Variants in NPAS2 observed in about 807,000 individuals in gnomAD.
NPAS2 encodes the protein neuronal PAS domain-containing protein 2.
In NPAS2, 23 loss-of-function variants were observed where a neutral mutation model predicts 107.5. The observed-to-expected ratio is 0.21, with a 90% CI of 0.15 to 0.30. The LOEUF is 0.30. Ranked by LOEUF, NPAS2 falls within the 10% of genes least tolerant of loss-of-function variation. NPAS2 has a pLI of 1.00. For synonymous variants in NPAS2, 403 were observed against 417.5 expected (o/e 0.97, Z 0.42); for missense variants, 756 against 1,043.3 (o/e 0.72, Z 3.79).
intron 19 of NPAS2, among the ~76,000 whole-genome samples, 171 bp from the exon 20 acceptor site, chr2:100,993,176 G>A (rs927414367): frequency 1.3e-5 from 2 of 152,004 alleles, no homozygotes; most frequent in Non-Finnish European, 2.9e-5. Context: ...CTTGTGATCC[G>A]CCTGCCTCGG....
At chr2:100,914,657 C>T (rs1348562009) in intron 2 of NPAS2, among the ~76,000 whole-genome samples, 1 of 152,182 alleles carries the variant, frequency 6.6e-6, no homozygotes, top group Non-Finnish European at 1.5e-5. Context: ...ATCTTATTAA[C>T]AGCCCCTGCC....
At chr2:100,895,498 T>A (rs1326509205) in intron 1 of NPAS2, among the ~76,000 whole-genome samples, 2 of 152,204 alleles carry the variant, frequency 1.3e-5, no homozygotes, top group Non-Finnish European at 2.9e-5. Context: ...CTTTCTCCCT[T>A]TCACAGATGT....
chr2:100,975,408 T>G lies in NPAS2; in HGVS notation c.1283-50T>G, dbSNP rs759348657. On this transcript the variant is annotated intron_variant, in intron 13 of 20. Coordinates refer to ENST00000335681, the MANE Select transcript of NPAS2 (RefSeq NM_002518.4). The stretch of plus-strand genomic sequence containing the variant: ...GTCATGGGTCCCCTCTTCGGATGAG[T>G]ACATGCTAAGTACATGGAAGTTAGA... The G allele has an allele frequency of 1.1e-5, 16 of 1,523,412 alleles. No homozygotes were observed. The Admixed American group carries it at 2.6e-4, about 25-fold the overall frequency. The allele number at this position is 1,523,412 out of a possible 1,614,324, so 94.4% of individuals were successfully genotyped here. A position where few individuals can be genotyped will look rare whatever the true frequency, so the allele number is the denominator to read the frequency against.
intron 19 of NPAS2, among the ~76,000 whole-genome samples, chr2:100,992,558 C>T (rs1211138835): frequency 7.9e-5 from 12 of 152,212 alleles, no homozygotes; most frequent in Non-Finnish European, 1.8e-4. Flanking sequence ...CCCTCCCCCT[C>T]GTTCTCGATC....
At chr2:100,914,750 T>G (rs971677657) in intron 2 of NPAS2, among the ~76,000 whole-genome samples, 1 of 152,200 alleles carries the variant, frequency 6.6e-6, no homozygotes, top group Non-Finnish European at 1.5e-5. Context: ...TGAAAAGATA[T>G]ATGAGAGTTT....
intron 1 of NPAS2, chr2:100,878,571 CGT>C: frequency 1.0e-6 from 1 of 985,348 alleles, no homozygotes; most frequent in Non-Finnish European, 1.2e-6. Flanking sequence ...CTGAAATGGC[CGT>C]GTGTGGTACA....
At chr2:100,875,126 A>G (rs1679872441) in intron 1 of NPAS2, among the ~76,000 whole-genome samples, 2 of 152,224 alleles carry the variant, frequency 1.3e-5, no homozygotes, top group Non-Finnish European at 1.5e-5. Flanking sequence ...ATTCTGACGC[A>G]TGCTACAACA....
At chr2:100,880,906 A>G (rs976020419) in intron 1 of NPAS2, among the ~76,000 whole-genome samples, 1 of 152,178 alleles carries the variant, frequency 6.6e-6, no homozygotes, top group African/African-American at 2.4e-5. Context: ...CTGACTCATA[A>G]ATACAACTAG....
intron 1 of NPAS2, among the ~76,000 whole-genome samples, chr2:100,833,654 A>G (rs1215417391): frequency 5.9e-5 from 9 of 152,188 alleles, no homozygotes; most frequent in Non-Finnish European, 1.3e-4. Flanking sequence ...AGAGCAAAGT[A>G]CCCTGATAAC....
intron 1 of NPAS2, among the ~76,000 whole-genome samples, chr2:100,827,025 C>A (rs763070945): frequency 6.6e-6 from 1 of 151,994 alleles, no homozygotes; most frequent in Non-Finnish European, 1.5e-5. Context: ...GGGAGTGTAT[C>A]GATGGTACAT....
intron 2 of NPAS2, among the ~76,000 whole-genome samples, chr2:100,917,658 C>T (rs1387020344): frequency 6.6e-6 from 1 of 152,014 alleles, no homozygotes; most frequent in Admixed American, 6.6e-5. Context: ...TTCAAAGGGC[C>T]ATAAGGAAAT....
chr2:100,932,970 G>A lies in NPAS2; in HGVS notation c.242G>A (p.Ser81Asn), dbSNP rs921703922. ...IQQDWKPSFL[S>N]NEEFTQLMLE... is the part of the protein sequence containing the mutation. ...CAAGACTGGAAGCCTTCATTCCTCA[G>A]TAATGAAGAATTCACCCAGCTGATG... Residue 81 changes from serine to asparagine, a missense_variant, in exon 4 of 21, where the codon AGT (serine) becomes AAT (asparagine). This residue lies in a region of NPAS2 where 146 missense variants were observed against 249.6 expected (regional missense o/e 0.58). Coordinates refer to ENST00000335681, the MANE Select transcript of NPAS2 (RefSeq NM_002518.4). The A allele has an allele frequency of 4.3e-6, 7 of 1,613,926 alleles. No individual in the cohort carries two copies. In the Admixed American group the frequency reaches 8.3e-5, roughly 19 times the overall value.
At chr2:100,960,087 C>A (rs2105126099) in intron 7 of NPAS2, among the ~76,000 whole-genome samples, 1 of 152,270 alleles carries the variant, frequency 6.6e-6, no homozygotes, top group East Asian at 1.9e-4. Context: ...GACTTGGAAG[C>A]CAACCTTGGG....
At chr2:100,946,037 C>A (rs1401061972) in intron 5 of NPAS2, among the ~76,000 whole-genome samples, 1 of 152,186 alleles carries the variant, frequency 6.6e-6, no homozygotes, top group African/African-American at 2.4e-5. Context: ...GCGGAATGCT[C>A]AACTCAGCAC....
At chr2:100,895,286 G>A (rs76848636) in intron 1 of NPAS2, among the ~76,000 whole-genome samples, 1,809 of 152,242 alleles carry the variant, frequency 0.012, 19 homozygotes, top group Non-Finnish European at 0.016. Flanking sequence ...TATTTGTGCC[G>A]GGGACTGTGC....
chr2:100,954,022 AG>A (rs1387119867), intron 7 of NPAS2, among the ~76,000 whole-genome samples: 1 of 152,240 alleles, frequency 6.6e-6, no homozygotes, highest in Non-Finnish European at 1.5e-5. Flanking sequence ...AGGGCCACAC[AG>A]AGAAGCACCG....
intron 1 of NPAS2, among the ~76,000 whole-genome samples, chr2:100,898,937 G>C (rs529919371): frequency 1.8e-4 from 27 of 152,330 alleles, no homozygotes; most frequent in African/African-American, 6.3e-4. Context: ...CATGTTGACA[G>C]CATGATGTGA....
intron 1 of NPAS2, among the ~76,000 whole-genome samples, chr2:100,861,671 G>C (rs942850192): frequency 6.6e-6 from 1 of 152,132 alleles, no homozygotes; most frequent in African/African-American, 2.4e-5. Flanking sequence ...ACACACCTGG[G>C]GGCCTCTTCT....
intron 1 of NPAS2, among the ~76,000 whole-genome samples, chr2:100,865,965 G>A (rs889093405): frequency 3.3e-5 from 5 of 152,090 alleles, no homozygotes; most frequent in South Asian, 2.1e-4. Context: ...TGATTTTGAC[G>A]CCAGCCTGGA....
Sources: allele counts gnomAD v4.1 joint callset (sites outside exome capture counted in the v4.1 genomes callset), GRCh38; gene constraint gnomAD v4.1.1; regional missense constraint gnomAD v4.1.1; transcripts MANE v1.5; gene names NCBI Gene and HGNC (gene_info 2026-07-23, HGNC 2026-07-21).